Variants in WWOX observed in about 807,000 individuals in gnomAD.
The protein encoded by WWOX is WW domain containing oxidoreductase.
Under a neutral mutation model 46.2 loss-of-function variants are expected in WWOX, and 69 were observed. That is an observed-to-expected ratio of 1.49 (90% CI 1.23 to 1.82). The LOEUF is 1.82. Ranked by LOEUF, WWOX falls within the 40% of genes most tolerant of loss-of-function variation. WWOX has a pLI of 0.00. For synonymous variants in WWOX, 359 were observed against 202.6 expected (o/e 1.77, Z -6.56); for missense variants, 919 against 542.6 (o/e 1.69, Z -6.89).
At chr16:78,895,572 A>G (rs1567632980) in intron 8 of WWOX, 1 of 152,218 alleles carries the variant, frequency 6.6e-6, no homozygotes, top group South Asian at 2.1e-4. Context: ...ATTCTCCTTT[A>G]GAATTTAATA....
At chr16:78,628,841 G>A (rs985021457) in intron 8 of WWOX, among the ~76,000 whole-genome samples, 2 of 152,152 alleles carry the variant, frequency 1.3e-5, no homozygotes, top group African/African-American at 2.4e-5. Context: ...AGCTGGTTTC[G>A]TGAGGGATTA....
intron 8 of WWOX, among the ~76,000 whole-genome samples, chr16:78,722,698 GTTTTTTTT>G (rs56266240): frequency 0.19 from 22,257 of 116,296 alleles, 2,087 homozygotes; most frequent in Middle Eastern, 0.24. Flanking sequence ...GTTTGTCTCT[GTTTTTTTT>G]TTTTTTTTTT....
intron 8 of WWOX, among the ~76,000 whole-genome samples, chr16:78,709,849 C>T (rs887946271): frequency 2.6e-5 from 4 of 151,982 alleles, no homozygotes; most frequent in Admixed American, 6.6e-5. Flanking sequence ...CTGCCTGAGC[C>T]TCCCGAGTAA....
intron 8 of WWOX, among the ~76,000 whole-genome samples, chr16:79,159,000 G>A (rs765986496): frequency 9.2e-5 from 14 of 152,170 alleles, no homozygotes; most frequent in Non-Finnish European, 1.5e-4. Flanking sequence ...CACTCTGCCT[G>A]CAGCCAACTC....
chr16:79,130,823 A>G (rs1388884425), intron 8 of WWOX, among the ~76,000 whole-genome samples: 3 of 152,116 alleles, frequency 2.0e-5, no homozygotes, highest in African/African-American at 7.2e-5. Flanking sequence ...GTTCTTTGAG[A>G]TTTCCATGTT....
intron 8 of WWOX, among the ~76,000 whole-genome samples, chr16:78,748,078 T>A (rs1403009755): frequency 6.6e-6 from 1 of 152,108 alleles, no homozygotes; most frequent in Non-Finnish European, 1.5e-5. Context: ...CTGTTAGTTT[T>A]TTCACAGACT....
chr16:78,527,056 C>A (rs1269659336), intron 8 of WWOX, among the ~76,000 whole-genome samples: 1 of 152,098 alleles, frequency 6.6e-6, no homozygotes, highest in Non-Finnish European at 1.5e-5. Flanking sequence ...CCCTGCTACA[C>A]AGGAAGCTGA....
In WWOX at chr16:79,128,670, A is replaced by G. The variant is rs192202054; in HGVS notation, c.1057-82938A>G. Among the ~76,000 whole-genome samples, 301 of 152,318 alleles carry G rather than the reference A, an allele frequency of 2.0e-3. 2 individuals are homozygous for G. The highest frequency in any genetic ancestry group is 7.0e-3 in the African/African-American group (293 of 41,576). ...GATTTCACTCAACTGAGGAATTCTA[A>G]TGTTTTAACAGCATCCTACTTATTT... is the stretch of plus-strand genomic sequence containing the variant. On this transcript the variant is annotated intron_variant, in intron 8 of 8. Coordinates refer to ENST00000566780, the MANE Select transcript of WWOX (RefSeq NM_016373.4).
chr16:78,862,256 G>T (rs903675770), intron 8 of WWOX, among the ~76,000 whole-genome samples: 2 of 139,290 alleles, frequency 1.4e-5, no homozygotes, highest in Non-Finnish European at 3.3e-5. Flanking sequence ...GGGTGTGTCT[G>T]TCTGTACCTA....
At chr16:79,204,744 G>C (rs1038141851) in intron 8 of WWOX, 3 of 152,264 alleles carry the variant, frequency 2.0e-5, no homozygotes, top group Middle Eastern at 6.8e-3. Context: ...GAACAAACAT[G>C]GCTTTGGACG....
At chr16:78,228,747 A>G (rs35578026) in intron 5 of WWOX, among the ~76,000 whole-genome samples, 16,206 of 152,194 alleles carry the variant, frequency 0.11, 1,078 homozygotes, top group Non-Finnish European at 0.15. Context: ...GTTGACAGAT[A>G]TGTCATTGAA....
At chr16:78,374,135 C>G (rs529812590) in intron 5 of WWOX, among the ~76,000 whole-genome samples, 9 of 152,280 alleles carry the variant, frequency 5.9e-5, no homozygotes, top group African/African-American at 9.6e-5. Flanking sequence ...CTGAGTTACT[C>G]CATACATCAT....
chr16:78,306,519 A>G (rs952614851), intron 5 of WWOX, among the ~76,000 whole-genome samples: 4 of 152,128 alleles, frequency 2.6e-5, no homozygotes, highest in African/African-American at 7.2e-5. Flanking sequence ...TATTCACTCT[A>G]TTTATAATGT....
intron 8 of WWOX, among the ~76,000 whole-genome samples, chr16:78,514,589 T>C (rs1182776760): frequency 6.6e-6 from 1 of 152,160 alleles, no homozygotes. Context: ...GACCGATAAG[T>C]GTACCAGATT....
chr16:78,578,284 A>ATATTTTATTT (rs1555567122), intron 8 of WWOX, among the ~76,000 whole-genome samples: 1 of 20,842 alleles, frequency 4.8e-5, no homozygotes, highest in African/African-American at 2.3e-4. Flanking sequence ...ATATATATAT[A>ATATTTTATTT]TTTTTTTTTT....
intron 8 of WWOX, among the ~76,000 whole-genome samples, chr16:78,456,716 G>A (rs1597111110): frequency 6.6e-6 from 1 of 152,188 alleles, no homozygotes; most frequent in East Asian, 1.9e-4. Context: ...TCTAAGAAGA[G>A]AAAAGGTAGA....
At chr16:78,208,629 T>C (rs1359465872) in intron 5 of WWOX, among the ~76,000 whole-genome samples, 1 of 152,240 alleles carries the variant, frequency 6.6e-6, no homozygotes, top group African/African-American at 2.4e-5. Flanking sequence ...TTTATAAATT[T>C]AGCTGTTTAG....
chr16:78,965,349 A>G (rs1241743493), intron 8 of WWOX, among the ~76,000 whole-genome samples: 1 of 152,104 alleles, frequency 6.6e-6, no homozygotes, highest in Non-Finnish European at 1.5e-5. Context: ...TGGGTGGAGC[A>G]CCTGAGGTTA....
chr16:78,357,530 T>C (rs2081322755), intron 5 of WWOX, among the ~76,000 whole-genome samples: 1 of 152,172 alleles, frequency 6.6e-6, no homozygotes, highest in Non-Finnish European at 1.5e-5. Flanking sequence ...TAACCTTGAT[T>C]TTTGAGGGAT....
Sources: gnomAD v4.1 joint callset for allele counts (sites outside exome capture counted in the v4.1 genomes callset) on GRCh38, gnomAD v4.1.1 for gene constraint, MANE v1.5 for transcripts, NCBI Gene and HGNC (gene_info 2026-07-23, HGNC 2026-07-21) for gene names.